Variants in RAPGEF3 observed in about 807,000 individuals in gnomAD.
RAPGEF3 encodes the protein 9330170P05Rik.
A neutral mutation model predicts 129.8 loss-of-function variants in RAPGEF3; 103 were observed. The ratio of observed to expected loss-of-function variants is 0.79; its 90% confidence interval spans 0.68 to 0.93. The LOEUF (loss-of-function observed/expected upper bound fraction) is 0.93, where lower values mean the gene tolerates loss of function less well. RAPGEF3 is among the 40% of genes least tolerant of loss of function. The probability of loss-of-function intolerance (pLI) is 0.00; values close to 1 mark genes in which losing one functional copy is unlikely to be tolerated. For synonymous variants in RAPGEF3, 436 were observed against 482.6 expected, an observed-to-expected ratio of 0.90 and a Z score of 1.26; for missense variants, 1,117 against 1,207.4, an observed-to-expected ratio of 0.93 and a Z score of 1.11.
chr12:47,740,831 G>A lies in RAPGEF3; in HGVS notation c.2050-8C>T, dbSNP rs1941113185. On this transcript the variant is annotated splice_polypyrimidine_tract_variant and splice_region_variant and intron_variant, in intron 20 of 27. Coordinates refer to ENST00000449771, the MANE Select transcript of RAPGEF3 (RefSeq NM_001098531.4). ...ATAGTGGATCAGCTCCACCTGGGTGGGGTCAGCAGGAGAGGTCAGCGAGTG... is the reference window on the plus strand; with the variant it reads ...ATAGTGGATCAGCTCCACCTGGGTGAGGTCAGCAGGAGAGGTCAGCGAGTG... The A allele has an allele frequency of 2.5e-6, 4 of 1,613,784 alleles. No homozygotes were observed. Among genetic ancestry groups the A allele is most frequent in the Non-Finnish European group, 3.4e-6 (4 of 1,179,928 alleles).
intron 23 of RAPGEF3, 70 bp downstream of exon 23, chr12:47,740,071 G>A: frequency 6.6e-7 from 1 of 1,516,500 alleles, no homozygotes; most frequent in Non-Finnish European, 9.0e-7. Context: ...CAAGAGTGAG[G>A]GTGTCTGGAG....
chr12:47,750,636 G>T (rs887376607), intron 6 of RAPGEF3, among the ~76,000 whole-genome samples: 1 of 152,188 alleles, frequency 6.6e-6, no homozygotes, highest in Non-Finnish European at 1.5e-5. Context: ...CTAAGGAGTG[G>T]TTCTATCATC....
chr12:47,742,676 G>A (rs1288135681), intron 18 of RAPGEF3, among the ~76,000 whole-genome samples: 67 of 152,166 alleles, frequency 4.4e-4, no homozygotes, highest in Admixed American at 4.4e-3. Flanking sequence ...ACACACATTA[G>A]CTCACTTAGC....
intron 27 of RAPGEF3, 61 bp from the exon 28 acceptor site, chr12:47,737,746 C>T: frequency 6.8e-7 from 1 of 1,466,186 alleles, no homozygotes; most frequent in Middle Eastern, 1.7e-4. Context: ...AACCTTTCCC[C>T]TCCAAGGAGC....
At position 47,751,848 on chromosome 12, in the gene RAPGEF3, A is replaced by G; in HGVS notation, c.274-19T>C. On this transcript the variant is annotated intron_variant, in intron 3 of 27. Transcript: ENST00000449771. ...TGGAGGCCTTAGAGGGAGGAAGGGC[A>G]CAGCAGTTCAGGCTCTGAACCCCTC... is the stretch of plus-strand genomic sequence containing the variant. The G allele has an allele frequency of 1.2e-6, 2 of 1,614,176 alleles. No homozygotes were observed. Among genetic ancestry groups the G allele is most frequent in the Non-Finnish European group, 1.7e-6 (2 of 1,179,998 alleles).
intron 21 of RAPGEF3, 117 bp downstream of exon 21, chr12:47,740,525 G>T: frequency 2.7e-6 from 4 of 1,479,454 alleles, no homozygotes; most frequent in Non-Finnish European, 3.7e-6. Context: ...AGGCTCCAGG[G>T]GACCCAGGGA....
At position 47,747,785 on chromosome 12, in the gene RAPGEF3, C is replaced by T. The variant is rs138220855; in HGVS notation, c.1400G>A (p.Arg467Gln). ...CAGGGCCACCCACTGGCTGACCAGCCGCAAGATCTGCTGCCTCTTGTTGCA... is the reference window on the plus strand; with the variant it reads ...CAGGGCCACCCACTGGCTGACCAGCTGCAAGATCTGCTGCCTCTTGTTGCA... ...YVCNKRQQILRLVSQWVALYG... is the reference protein window; with the variant it reads ...YVCNKRQQILQLVSQWVALYG... Residue 467 changes from arginine (R) to glutamine (Q), a missense_variant, in exon 14 of 28, where the codon CGG becomes CAG. Coordinates refer to ENST00000449771, the MANE Select transcript of RAPGEF3 (RefSeq NM_001098531.4). 7.5e-6 allele frequency: 12 copies of T among 1,608,288 alleles called. No individual in the cohort carries two copies. The Admixed American group carries it at 8.3e-5, about 11-fold the overall frequency.
chr12:47,749,516 A>T lies in RAPGEF3; in HGVS notation c.915T>A (p.His305Gln). 1 of 1,610,734 alleles carries T rather than the reference A, an allele frequency of 6.2e-7. No individual in the cohort carries two copies. Among genetic ancestry groups the T allele is most frequent in the Non-Finnish European group, 8.5e-7 (1 of 1,179,860 alleles). ...CCAGCTGTCCAAAATCATCTCCCTC[A>T]TGCAGGGTGGTCACCAGCCCCTGCA... ...THGKGLVTTL[H>Q]EGDDFGQLAL... The change falls in exon 10 of 28, where the codon CAT (histidine) becomes CAA (glutamine). Residue 305 changes from histidine (H) to glutamine (Q), a missense_variant. His to Gln is a conservative substitution (Grantham distance 24, BLOSUM62 0). Transcript: ENST00000449771. The surrounding 1 kb of genome is among the most constrained non-coding windows in gnomAD (Gnocchi z 4.5).
Position 47,749,647 on chromosome 12 carries a change from C to A in RAPGEF3, c.894+94G>T. 6.3e-7 allele frequency: 1 copy of A among 1,584,078 alleles called. No homozygotes were observed. The highest frequency in any genetic ancestry group is 8.6e-7 in the Non-Finnish European group (1 of 1,163,564). On this transcript the variant is annotated intron_variant, in intron 9 of 27. Coordinates refer to ENST00000449771, the MANE Select transcript of RAPGEF3 (RefSeq NM_001098531.4). The surrounding 1 kb of genome is among the most constrained non-coding windows in gnomAD (Gnocchi z 4.5). ...ACCCACACAGGAGACACGGGGTCAG[C>A]AGCAGTAGATCAACAAAGGCACTGC...
Position 47,751,705 on chromosome 12 carries a change from A to G in RAPGEF3, c.380+18T>C. On this transcript the variant is annotated intron_variant, in intron 4 of 27. Transcript: ENST00000449771. ...AAGCAGTGAGGCTGGGCAAGGAGGC[A>G]GCAGGGCCTCCACTCACCGATAGAG... The G allele has an allele frequency of 6.2e-7, 1 of 1,609,518 alleles. No homozygotes were observed. Among genetic ancestry groups the G allele is most frequent in the South Asian group, 1.1e-5 (1 of 91,028 alleles).
chr12:47,749,677 G>A lies in RAPGEF3; in HGVS notation c.894+64C>T. ...GTAGATCAACAAAGGCACTGCCCAT[G>A]AGGACATGGACCAGGGAGCAGTTAG... On this transcript the variant is annotated intron_variant, in intron 9 of 27. Transcript: ENST00000449771. The surrounding 1 kb of genome is among the most constrained non-coding windows in gnomAD (Gnocchi z 4.5). The A allele has an allele frequency of 2.5e-6, 4 of 1,605,252 alleles. No individual in the cohort carries two copies. Among genetic ancestry groups the A allele is most frequent in the Non-Finnish European group, 3.4e-6 (4 of 1,173,820 alleles).
Position 47,741,544 on chromosome 12 carries a change from C to T in RAPGEF3, c.1884G>A (p.Glu628=). ...RGVATSLGLN[E]RLFVVNPQEV... ...CCTGTGGGTTGACAACAAAGAGACG[C>T]TCATTGAGCCCCAGAGATGTGGCCA... The change falls in exon 19 of 28, where the codon GAG becomes GAA. Residue 628 remains glutamate (E), a synonymous_variant. Coordinates refer to ENST00000449771, the MANE Select transcript of RAPGEF3 (RefSeq NM_001098531.4). The T allele has an allele frequency of 1.2e-6, 2 of 1,614,180 alleles. No homozygotes were observed. The highest frequency in any genetic ancestry group is 2.2e-5 in the East Asian group (1 of 44,880).
chr12:47,741,085 GA>G (rs1487972845), intron 19 of RAPGEF3, 45 bp from the exon 20 acceptor site: 2 of 1,597,970 alleles, frequency 1.3e-6, no homozygotes, highest in Admixed American at 1.7e-5. Context: ...GGAATCCAGG[GA>G]AAGGCACAGG....
chr12:47,750,914 G>A, intron 6 of RAPGEF3, 134 bp downstream of exon 6: 3 of 1,303,512 alleles, frequency 2.3e-6, no homozygotes, highest in South Asian at 1.4e-5. Context: ...GTCAGCGCCA[G>A]GGGCTTCTGG....
In RAPGEF3 at chr12:47,749,398, T is replaced by TA. The variant is rs1470704789; in HGVS notation, c.1032dup (p.Ile345TyrfsTer68). 1.2e-6 allele frequency: 2 copies of TA among 1,612,432 alleles called. No homozygotes were observed. The highest frequency in any genetic ancestry group is 1.7e-6 in the Non-Finnish European group (2 of 1,180,022). On this transcript the variant is annotated frameshift_variant, in exon 10 of 28. Coordinates refer to ENST00000449771, the MANE Select transcript of RAPGEF3 (RefSeq NM_001098531.4). LOFTEE classifies it high-confidence loss of function. The surrounding 1 kb of genome is among the most constrained non-coding windows in gnomAD (Gnocchi z 4.5). ...AACCCCAGCAGCAGCACCTTGATGA[T>TA]ACGGTTGAAGTCCTGCTTGTCCACA...
Position 47,737,478 on chromosome 12 carries a change from G to C in RAPGEF3, c.*89C>G. On this transcript the variant is annotated 3_prime_UTR_variant, in exon 28 of 28. Transcript: ENST00000449771. ...TCCACTCCACGGAGAGCCTTGCCCA[G>C]CTGTGGCCAGCCTGTGAGTATCTTG... 8.3e-7 allele frequency: 1 copy of C among 1,200,262 alleles called. No individual in the cohort carries two copies. The highest frequency in any genetic ancestry group is 1.5e-5 in the African/African-American group (1 of 66,422). 74.4% of individuals were successfully genotyped at this position (1,200,262 alleles called of 1,614,324 possible).
At chr12:47,738,316 G>A in intron 25 of RAPGEF3, 69 bp from the exon 26 acceptor site, 1 of 1,583,494 alleles carries the variant, frequency 6.3e-7, no homozygotes, top group Non-Finnish European at 8.6e-7. Context: ...TGCAGCAGCA[G>A]GGAGGCCAAG....
Position 47,751,486 on chromosome 12 carries a change from T to C in RAPGEF3, c.415A>G (p.Ile139Val), listed in dbSNP as rs375533819. 1.1e-5 allele frequency: 17 copies of C among 1,613,996 alleles called. No homozygotes were observed. The African/African-American group carries it at 2.0e-4, about 19-fold the overall frequency. ...TGGACCCCAAGTCCCAGGGCCAAGA[T>C]CCCATCCACCAGCTCCCGGCCAGAG... Reference protein sequence around the residue: ...CCSGRELVDGILALGLGVHSR... With the variant: ...CCSGRELVDGVLALGLGVHSR... Residue 139 changes from isoleucine to valine, a missense_variant, in exon 5 of 28, where the codon ATC becomes GTC. Ile to Val is a conservative substitution (Grantham distance 29). This residue lies in a region of RAPGEF3 where 367 missense variants were observed against 373.4 expected (regional missense o/e 0.98). Coordinates refer to ENST00000449771, the MANE Select transcript of RAPGEF3 (RefSeq NM_001098531.4).
At position 47,757,967 on chromosome 12, in the gene RAPGEF3, G is replaced by T. The variant is rs992060593; in HGVS notation, c.118C>A (p.Leu40Ile). ...ATCCTTCTCAACACCATGTTGAGTA[G>T]TGTCCCCTCCGGCACCACGTCAGGG... ...ALPDVVPEGT[L>I]LNMVLRRMHR... Residue 40 changes from leucine to isoleucine, a missense_variant, in exon 2 of 28, where the codon CTA (leucine) becomes ATA (isoleucine). Coordinates refer to ENST00000449771, the MANE Select transcript of RAPGEF3 (RefSeq NM_001098531.4). 1.9e-6 allele frequency: 3 copies of T among 1,563,464 alleles called. No individual in the cohort carries two copies. The highest frequency in any genetic ancestry group is 2.6e-6 in the Non-Finnish European group (3 of 1,153,462).
Sources: gnomAD v4.1 joint callset for allele counts (sites outside exome capture counted in the v4.1 genomes callset) on GRCh38, gnomAD v4.1.1 for gene constraint, gnomAD v4.1.1 regional missense constraint, Gnocchi (gnomAD v3.1) non-coding constraint, MANE v1.5 for transcripts, NCBI Gene and HGNC (gene_info 2026-07-23, HGNC 2026-07-21) for gene names.